Variants in GLIS1 observed in about 807,000 individuals in gnomAD.
The protein encoded by GLIS1 is GLIS family zinc finger 1, also known as zinc finger protein GLIS1.
In GLIS1, 24 loss-of-function variants were observed where a neutral mutation model predicts 63.8. The observed-to-expected ratio is 0.38, with a 90% CI of 0.27 to 0.53. GLIS1 has a LOEUF of 0.53. Among genes scored for constraint, GLIS1 ranks in the 20% least tolerant of loss-of-function variants. GLIS1 has a pLI of 0.85. For missense variants in GLIS1, 1,036 were observed against 1,074.1 expected (o/e 0.96, Z 0.50); for synonymous variants, 450 against 482.5 (o/e 0.93, Z 0.88).
chr1:53,650,646 G>A lies in GLIS1; in HGVS notation c.260-50368C>T, dbSNP rs868236999. Among the ~76,000 whole-genome samples the A allele has an allele frequency of 4.6e-5, 7 of 151,496 alleles. No individual in the cohort carries two copies. The South Asian group carries it at 6.3e-4, about 14-fold the overall frequency. ...GAAAGGCTTGGTAGGGTCATGAGGC[G>A]AGTAGGGGATGCACTGCTCTGTCAA... On this transcript the variant is annotated intron_variant, in intron 2 of 10. Transcript: ENST00000628545.
intron 2 of GLIS1, among the ~76,000 whole-genome samples, chr1:53,732,527 A>G (rs1646873215): frequency 1.3e-5 from 2 of 151,956 alleles, no homozygotes; most frequent in African/African-American, 4.8e-5. Flanking sequence ...GATAAACAAG[A>G]AGTCCGTTTT....
At chr1:53,595,246 A>G (rs1412069635) in intron 3 of GLIS1, among the ~76,000 whole-genome samples, 3 of 152,100 alleles carry the variant, frequency 2.0e-5, no homozygotes, top group African/African-American at 7.2e-5. Flanking sequence ...GCCAGGCACA[A>G]TGGCTCATGC....
intron 4 of GLIS1, among the ~76,000 whole-genome samples, chr1:53,571,416 T>C (rs983212527): frequency 2.0e-5 from 3 of 152,156 alleles, no homozygotes; most frequent in Non-Finnish European, 2.9e-5. Context: ...AAAAGAGACA[T>C]GAACAAGAAT....
At chr1:53,695,132 C>A (rs989852076) in intron 2 of GLIS1, among the ~76,000 whole-genome samples, 2 of 138,424 alleles carry the variant, frequency 1.4e-5, no homozygotes, top group Non-Finnish European at 3.1e-5. Context: ...CGACTGTCAG[C>A]TGGGGTGGGG....
In GLIS1 at chr1:53,610,876, C is replaced by T. The variant is rs545152381; in HGVS notation, c.260-10598G>A. 4.3e-4 allele frequency among the ~76,000 whole-genome samples: 65 copies of T among 152,242 alleles called. 1 individual carries two copies. Among genetic ancestry groups the T allele is most frequent in the African/African-American group, 1.5e-3 (61 of 41,548 alleles). On this transcript the variant is annotated intron_variant, in intron 2 of 10. Transcript: ENST00000628545. The stretch of plus-strand genomic sequence containing the variant: ...GAATTTTCCATCCTTTTTTAACTTT[C>T]ATGCATCAGCCTGGATTTTGTCTAC...
intron 4 of GLIS1, among the ~76,000 whole-genome samples, chr1:53,552,451 C>T (rs181081106): frequency 7.7e-4 from 117 of 152,332 alleles, no homozygotes; most frequent in African/African-American, 2.7e-3. Context: ...TTATTCTTCC[C>T]CTGCTCATTG....
intron 3 of GLIS1, among the ~76,000 whole-genome samples, chr1:53,599,126 G>C (rs1212843884): frequency 6.6e-6 from 1 of 152,216 alleles, no homozygotes; most frequent in East Asian, 1.9e-4. Context: ...ACAGAGGCCT[G>C]TCTGTGACTG....
chr1:53,550,987 A>T (rs1253838773), intron 4 of GLIS1, among the ~76,000 whole-genome samples: 1 of 152,040 alleles, frequency 6.6e-6, no homozygotes, highest in Non-Finnish European at 1.5e-5. Context: ...AGTAGCTGGG[A>T]TTACAGGCGC....
intron 4 of GLIS1, among the ~76,000 whole-genome samples, chr1:53,584,053 G>A (rs571287432): frequency 1.5e-4 from 23 of 152,258 alleles, no homozygotes; most frequent in East Asian, 3.9e-4. Context: ...GTCCGAGGCC[G>A]GTGGATCTGT....
At position 53,598,883 on chromosome 1, in the gene GLIS1, A is replaced by T. The variant is rs1439049741; in HGVS notation, c.437+1218T>A. On this transcript the variant is annotated intron_variant, in intron 3 of 10. Coordinates refer to ENST00000628545, the MANE Select transcript of GLIS1 (RefSeq NM_001367484.1). This position sits in a 1 kb window ranked among gnomAD's most constrained non-coding sequence, Gnocchi z 4.6. Reference sequence around the variant, plus strand: ...CTATTTAGGAATTTATCCACTGTGGAGCTCTCACGAGAACGTAAACTCCAT... The same window carrying T: ...CTATTTAGGAATTTATCCACTGTGGTGCTCTCACGAGAACGTAAACTCCAT... Among the ~76,000 whole-genome samples the T allele has an allele frequency of 1.3e-5, 2 of 152,206 alleles. No individual in the cohort carries two copies. The highest frequency in any genetic ancestry group is 2.4e-5 in the African/African-American group (1 of 41,456).
intron 4 of GLIS1, among the ~76,000 whole-genome samples, chr1:53,541,039 A>G (rs1012236365): frequency 1.3e-5 from 2 of 152,184 alleles, no homozygotes; most frequent in Non-Finnish European, 2.9e-5. Context: ...GCACCAGGCC[A>G]GTGAAGAGTG....
chr1:53,615,929 G>A, intron 2 of GLIS1, among the ~76,000 whole-genome samples: 1 of 151,960 alleles, frequency 6.6e-6, no homozygotes, highest in East Asian at 1.9e-4. Flanking sequence ...TTGTATTTTA[G>A]TAGAGACAGG....
intron 2 of GLIS1, among the ~76,000 whole-genome samples, chr1:53,654,794 C>T (rs1403301305): frequency 2.6e-5 from 4 of 151,964 alleles, no homozygotes; most frequent in South Asian, 2.1e-4. Context: ...CAGATGTGAA[C>T]GCCCAGCAAG....
chr1:53,673,583 A>G (rs1379743651), intron 2 of GLIS1, among the ~76,000 whole-genome samples: 4 of 152,246 alleles, frequency 2.6e-5, no homozygotes, highest in East Asian at 3.9e-4. Flanking sequence ...CTCCCACTAC[A>G]CTGGATTTCC....
intron 2 of GLIS1, among the ~76,000 whole-genome samples, chr1:53,628,650 A>T (rs972213197): frequency 6.6e-6 from 1 of 152,058 alleles, no homozygotes; most frequent in Non-Finnish European, 1.5e-5. Context: ...CGGGATGTGC[A>T]CCCACCCACA....
chr1:53,617,756 A>C (rs144955461), intron 2 of GLIS1, among the ~76,000 whole-genome samples: 5 of 152,356 alleles, frequency 3.3e-5, no homozygotes, highest in African/African-American at 1.2e-4. Flanking sequence ...TTATCGGTGC[A>C]TTTCATTTCA....
intron 2 of GLIS1, among the ~76,000 whole-genome samples, chr1:53,647,443 G>A (rs140860312): frequency 3.9e-5 from 6 of 152,256 alleles, no homozygotes; most frequent in African/African-American, 1.2e-4. Context: ...GAAAAGTGGG[G>A]GAAGGACAAC....
chr1:53,544,396 C>A (rs1320454712), intron 4 of GLIS1, among the ~76,000 whole-genome samples: 1 of 152,168 alleles, frequency 6.6e-6, no homozygotes, highest in Non-Finnish European at 1.5e-5. Flanking sequence ...TCGGGCAGCT[C>A]ACTTGCCAGG....
chr1:53,639,491 G>C lies in GLIS1; in HGVS notation c.260-39213C>G, dbSNP rs934981923. Reference sequence around the variant, plus strand: ...CAATCAGTAAATTCCAAGCAGATGCGCACAGGCTGTTTTGGTTGGAACCCT... The same window carrying C: ...CAATCAGTAAATTCCAAGCAGATGCCCACAGGCTGTTTTGGTTGGAACCCT... On this transcript the variant is annotated intron_variant, in intron 2 of 10. Transcript: ENST00000628545. This position sits in a 1 kb window ranked among gnomAD's most constrained non-coding sequence, Gnocchi z 4.6. 6.6e-6 allele frequency among the ~76,000 whole-genome samples: 1 copy of C among 152,100 alleles called. No individual in the cohort carries two copies. The highest frequency in any genetic ancestry group is 1.5e-5 in the Non-Finnish European group (1 of 68,016).
Sources: gnomAD v4.1 joint callset for allele counts (sites outside exome capture counted in the v4.1 genomes callset) on GRCh38, gnomAD v4.1.1 for gene constraint, Gnocchi (gnomAD v3.1) non-coding constraint, MANE v1.5 for transcripts, NCBI Gene and HGNC (gene_info 2026-07-23, HGNC 2026-07-21) for gene names.